Variants in SLC19A3 observed in about 807,000 individuals in gnomAD.
The protein encoded by SLC19A3 is solute carrier family 19 member 3.
Under a neutral mutation model 40.2 loss-of-function variants are expected in SLC19A3, and 31 were observed. The observed-to-expected ratio is 0.77, with a 90% confidence interval of 0.58 to 1.04. The LOEUF is 1.04. Among genes scored for constraint, SLC19A3 ranks in the 50% least tolerant of loss-of-function variants. The probability of loss-of-function intolerance (pLI) is 0.00; values close to 1 mark genes in which losing one functional copy is unlikely to be tolerated. For missense variants in SLC19A3, 592 were observed against 596.7 expected, an observed-to-expected ratio of 0.99 and a Z score of 0.08; for synonymous variants, 212 against 227.5, an observed-to-expected ratio of 0.93 and a Z score of 0.61.
At chr2:227,696,139 A>T in intron 3 of SLC19A3, 58 bp from the exon 4 acceptor site, 2 of 1,538,646 alleles carry the variant, frequency 1.3e-6, no homozygotes. Context: ...GGAAAATATC[A>T]ACACCCTCTC....
rs1038041642 is a variant in SLC19A3 at position 227,703,131 on chromosome 2, T to C, written c.-2-811A>G. On this transcript the variant is annotated intron_variant, in intron 1 of 5. Transcript: ENST00000644224. This position sits in a 1 kb window ranked among gnomAD's most constrained non-coding sequence, Gnocchi z 4.7. ...TCATTCTGGAGGCCCCCTCAGCTAC[T>C]GGTATTAACCTAATGACAACCACAG... 1.3e-5 allele frequency among the ~76,000 whole-genome samples: 2 copies of C among 152,236 alleles called. No individual in the cohort carries two copies. Among genetic ancestry groups the C allele is most frequent in the Non-Finnish European group, 1.5e-5 (1 of 68,036 alleles).
intron 1 of SLC19A3, chr2:227,706,272 C>G: frequency 8.1e-7 from 1 of 1,228,770 alleles, no homozygotes; most frequent in Non-Finnish European, 1.0e-6. Flanking sequence ...TCCACTGCTT[C>G]TAAGGTGAGG....
At chr2:227,716,194 G>A (rs77539316) in intron 1 of SLC19A3, among the ~76,000 whole-genome samples, 3,753 of 152,282 alleles carry the variant, frequency 0.025, 64 homozygotes, top group Non-Finnish European at 0.042. Flanking sequence ...CTATAGACAT[G>A]CAAATAAGGT....
chr2:227,699,017 G>C lies in SLC19A3; in HGVS notation c.698C>G (p.Pro233Arg), dbSNP rs751247194. ...TGAAGTGCTGAGTATTTCTGATGTG[G>C]GTTTCTGCTCTTCACAGCCTGGTGC... ...GEAPGCEEQK[P>R]TSEILSTSGK... The change falls in exon 3 of 6, where the codon CCC (proline) becomes CGC (arginine). Residue 233 changes from proline to arginine, a missense_variant. Physicochemically the swap from Pro to Arg is moderately radical, Grantham distance 103. Transcript: ENST00000644224. The C allele has an allele frequency of 6.2e-7, 1 of 1,614,190 alleles. No individual in the cohort carries two copies. Among genetic ancestry groups the C allele is most frequent in the Non-Finnish European group, 8.5e-7 (1 of 1,180,042 alleles).
At chr2:227,692,545 C>T (rs749574126) in intron 4 of SLC19A3, among the ~76,000 whole-genome samples, 4 of 152,152 alleles carry the variant, frequency 2.6e-5, no homozygotes, top group Admixed American at 1.3e-4. Flanking sequence ...ATAGAAGGAA[C>T]ATAGTCAACA....
At chr2:227,717,750 C>T (rs138038731) in intron 1 of SLC19A3, among the ~76,000 whole-genome samples, 193 bp downstream of exon 1, 46 of 152,268 alleles carry the variant, frequency 3.0e-4, no homozygotes, top group African/African-American at 1.1e-3. Flanking sequence ...CAGACAAACC[C>T]ACTTGGGTGA....
At position 227,687,541 on chromosome 2, in the gene SLC19A3, A is replaced by G. The variant is rs529801375; in HGVS notation, c.1347T>C (p.Ile449=). 3.1e-6 allele frequency: 5 copies of G among 1,614,092 alleles called. No homozygotes were observed. The East Asian group carries it at 1.1e-4, about 36-fold the overall frequency. Residue 449 remains isoleucine (I), a synonymous_variant, in exon 6 of 6, where the codon ATT becomes ATC. Transcript: ENST00000644224. ...TGCTTCTCATTAGGAAAATTCCAGC[A>G]ATTACTGCAAAATAGCTCCCATAAA... The part of the protein sequence containing the change: ...FLVYGSYFAV[I]AGIFLMRSMY...
At chr2:227,690,489 T>A (rs1004330898) in intron 4 of SLC19A3, among the ~76,000 whole-genome samples, 3 of 151,762 alleles carry the variant, frequency 2.0e-5, no homozygotes, top group African/African-American at 7.3e-5. Context: ...GGGCAGATCA[T>A]GAGGTCAGGA....
chr2:227,693,670 G>A (rs955153771), intron 4 of SLC19A3, among the ~76,000 whole-genome samples: 11 of 152,252 alleles, frequency 7.2e-5, no homozygotes, highest in South Asian at 2.1e-4. Flanking sequence ...TCTCTGGGAC[G>A]TTGGAGTGGG....
intron 1 of SLC19A3, among the ~76,000 whole-genome samples, chr2:227,704,061 G>A (rs1695827987): frequency 6.6e-6 from 1 of 152,212 alleles, no homozygotes. Context: ...CCACCACATT[G>A]TCTTAAGTGC....
In SLC19A3 at chr2:227,698,763, C is replaced by G; in HGVS notation, c.952G>C (p.Ala318Pro). ...PSQDSSIYNG[A>P]VEAIATFGGA... The stretch of plus-strand genomic sequence containing the variant: ...CCAAAGGTTGCAATAGCTTCTACGG[C>G]CCCATTATAGATGGAAGAATCTTGG... Residue 318 changes from alanine (A) to proline (P), a missense_variant, in exon 3 of 6, where the codon GCC becomes CCC. Ala to Pro is a conservative substitution (Grantham distance 27). Transcript: ENST00000644224. 1 of 1,613,938 alleles carries G rather than the reference C, an allele frequency of 6.2e-7. No individual in the cohort carries two copies.
intron 2 of SLC19A3, among the ~76,000 whole-genome samples, chr2:227,699,868 T>C (rs536034403): frequency 5.4e-4 from 82 of 152,234 alleles, no homozygotes; most frequent in African/African-American, 1.8e-3. Context: ...TTTTGGACAC[T>C]TCTAAGATTT....
intron 1 of SLC19A3, chr2:227,714,329 G>C: frequency 3.0e-6 from 2 of 655,770 alleles, no homozygotes; most frequent in Non-Finnish European, 3.8e-6. Context: ...AACAGTGCCC[G>C]TAACGCAAAG....
At chr2:227,708,565 CA>C (rs1696031303) in intron 1 of SLC19A3, among the ~76,000 whole-genome samples, 2 of 3,018 alleles carry the variant, frequency 6.6e-4, no homozygotes, top group Non-Finnish European at 0.02. Flanking sequence ...CTCTATCAAA[CA>C]AACAAACAAA....
chr2:227,705,521 A>C (rs191957016), intron 1 of SLC19A3, among the ~76,000 whole-genome samples: 210 of 152,254 alleles, frequency 1.4e-3, no homozygotes, highest in African/African-American at 4.8e-3. Flanking sequence ...CAGTAACAGG[A>C]ATGATGGGTC....
chr2:227,706,632 G>A (rs1474935544), intron 1 of SLC19A3: 1 of 239,642 alleles, frequency 4.2e-6, no homozygotes, highest in East Asian at 9.9e-5. Context: ...TTAGTCGGTT[G>A]CGGTGGTGGG....
intron 4 of SLC19A3, among the ~76,000 whole-genome samples, chr2:227,692,231 C>G (rs1695260205): frequency 6.6e-6 from 1 of 152,140 alleles, no homozygotes; most frequent in Non-Finnish European, 1.5e-5. Flanking sequence ...TACCCTAACA[C>G]CAAACCAGAC....
chr2:227,693,467 C>T (rs1228203098), intron 4 of SLC19A3, among the ~76,000 whole-genome samples: 1 of 152,074 alleles, frequency 6.6e-6, no homozygotes, highest in Non-Finnish European at 1.5e-5. Context: ...ACCAAAGATG[C>T]CAGGAACATA....
chr2:227,688,810 C>T (rs1188246322), intron 4 of SLC19A3, among the ~76,000 whole-genome samples: 1 of 152,058 alleles, frequency 6.6e-6, no homozygotes, highest in East Asian at 1.9e-4. Flanking sequence ...CCTGGAGAAA[C>T]ATATACGACC....
Sources: allele counts gnomAD v4.1 joint callset (sites outside exome capture counted in the v4.1 genomes callset), GRCh38; gene constraint gnomAD v4.1.1; non-coding constraint Gnocchi (gnomAD v3.1); transcripts MANE v1.5; gene names NCBI Gene and HGNC (gene_info 2026-07-23, HGNC 2026-07-21).